SERPINA3: variants seen among roughly 807,000 people sequenced by gnomAD.
SERPINA3 encodes the protein alpha-1-antichymotrypsin.
In SERPINA3, 32 loss-of-function variants were observed where a neutral mutation model predicts 26.8. The ratio of observed to expected loss-of-function variants is 1.20; its 90% CI spans 0.90 to 1.61. SERPINA3 has a LOEUF of 1.61. Ranked by LOEUF, SERPINA3 falls within the 40% of genes most tolerant of loss-of-function variation. SERPINA3 has a pLI of 0.00. For synonymous variants in SERPINA3, 252 were observed against 206.4 expected (o/e 1.22, Z -1.89); for missense variants, 632 against 517.9 (o/e 1.22, Z -2.14).
In SERPINA3 at chr14:94,614,929, C is replaced by T. The variant is rs767516793; in HGVS notation, c.488C>T (p.Ser163Phe). The T allele has an allele frequency of 1.9e-6, 3 of 1,613,508 alleles. No individual in the cohort carries two copies. Among genetic ancestry groups the T allele is most frequent in the Non-Finnish European group, 8.5e-7 (1 of 1,179,520 alleles). Reference sequence around the variant, plus strand: ...GAGGATGCCAAGAGGCTGTATGGCTCCGAGGCCTTTGCCACTGACTTTCAG... The same window carrying T: ...GAGGATGCCAAGAGGCTGTATGGCTTCGAGGCCTTTGCCACTGACTTTCAG... ...FTEDAKRLYG[S>F]EAFATDFQDS... The change falls in exon 2 of 5, where the codon TCC becomes TTC. Residue 163 changes from serine (S) to phenylalanine (F), a missense_variant. Coordinates refer to ENST00000393078, the MANE Select transcript of SERPINA3 (RefSeq NM_001085.5).
intron 3 of SERPINA3, among the ~76,000 whole-genome samples, chr14:94,620,473 G>A (rs754594538): frequency 1.1e-4 from 17 of 152,178 alleles, no homozygotes; most frequent in Non-Finnish European, 2.1e-4. Context: ...GTAGGGCCAC[G>A]TAGACCCCTA....
At chr14:94,617,850 C>T (rs1028058049) in intron 2 of SERPINA3, 4 of 152,142 alleles carry the variant, frequency 2.6e-5, no homozygotes, top group African/African-American at 9.7e-5. Context: ...CTGTGTGGTC[C>T]ACATGAGGGC....
At chr14:94,615,766 T>C (rs948699167) in intron 2 of SERPINA3, among the ~76,000 whole-genome samples, 5 of 152,238 alleles carry the variant, frequency 3.3e-5, no homozygotes, top group African/African-American at 9.6e-5. Context: ...AGATTCTAAC[T>C]GGTCCAGTGC....
Position 94,619,314 on chromosome 14 carries a change from C to G in SERPINA3, c.763C>G (p.Arg255Gly), listed in dbSNP as rs139055497. 6.2e-7 allele frequency: 1 copy of G among 1,614,048 alleles called. No individual in the cohort carries two copies. The highest frequency in any genetic ancestry group is 8.5e-7 in the Non-Finnish European group (1 of 1,180,044). ...SLHHLTIPYF[R>G]DEELSCTVVE... ...GCATCACCTGACTATACCTTACTTC[C>G]GGGACGAGGAGCTGTCCTGCACCGT... is the stretch of plus-strand genomic sequence containing the variant. The change falls in exon 3 of 5, where the codon CGG becomes GGG. Residue 255 changes from arginine to glycine, a missense_variant. Arg to Gly is a moderately radical substitution (Grantham distance 125). Transcript: ENST00000393078.
At chr14:94,615,173 T>C in intron 2 of SERPINA3, 89 bp downstream of exon 2, 1 of 1,444,770 alleles carries the variant, frequency 6.9e-7, no homozygotes, top group Admixed American at 1.7e-5. Flanking sequence ...GGCAAACCAC[T>C]GTAGAGGAGA....
chr14:94,623,869 T>C lies in SERPINA3; in HGVS notation c.*55T>C. 1 of 1,502,152 alleles carries C rather than the reference T, an allele frequency of 6.7e-7. No individual in the cohort carries two copies. Among genetic ancestry groups the C allele is most frequent in the South Asian group, 1.1e-5 (1 of 88,732 alleles). 93.1% of individuals were successfully genotyped at this position (1,502,152 alleles called of 1,614,324 possible). On this transcript the variant is annotated 3_prime_UTR_variant, in exon 5 of 5. Transcript: ENST00000393078. ...TAAGGAACTTGGAATGCAAGCTGGA[T>C]GCCTGGGTCTCTGGGCACAGCCTGG...
chr14:94,619,424 G>A lies in SERPINA3; in HGVS notation c.873G>A (p.Leu291=), dbSNP rs1886119036. Residue 291 remains leucine, a synonymous_variant, in exon 3 of 5, where the codon CTG becomes CTA. Coordinates refer to ENST00000393078, the MANE Select transcript of SERPINA3 (RefSeq NM_001085.5). ...QDKMEEVEAM[L]LPETLKRWRD... ...AGATGGAGGAAGTGGAAGCCATGCT[G>A]CTCCCAGAGACCCTGAAGCGGTGGA... is the stretch of plus-strand genomic sequence containing the variant. 1 of 1,614,042 alleles carries A rather than the reference G, an allele frequency of 6.2e-7. No individual in the cohort carries two copies. The highest frequency in any genetic ancestry group is 8.5e-7 in the Non-Finnish European group (1 of 1,180,044).
Position 94,620,630 on chromosome 14 carries a change from C to T in SERPINA3, c.917+1162C>T, listed in dbSNP as rs183217229. Among the ~76,000 whole-genome samples, 14 of 152,266 alleles carry T rather than the reference C, an allele frequency of 9.2e-5. No homozygotes were observed. In the East Asian group the frequency reaches 1.2e-3, roughly 13 times the overall value. Reference sequence around the variant, plus strand: ...GAGCAGGTATGGAGTCAGTGACACCCGCAGGAACCAGGCACAGACATGAGG... The same window carrying T: ...GAGCAGGTATGGAGTCAGTGACACCTGCAGGAACCAGGCACAGACATGAGG... On this transcript the variant is annotated intron_variant, in intron 3 of 4. Coordinates refer to ENST00000393078, the MANE Select transcript of SERPINA3 (RefSeq NM_001085.5).
intron 4 of SERPINA3, 155 bp downstream of exon 4, chr14:94,622,646 G>T (rs117583403): frequency 9.8e-6 from 8 of 812,438 alleles, no homozygotes; most frequent in African/African-American, 6.8e-5. Flanking sequence ...GCCAAGAAGA[G>T]CTAGGTTACA....
chr14:94,622,973 G>T (rs993362560), intron 4 of SERPINA3, among the ~76,000 whole-genome samples: 84 of 152,328 alleles, frequency 5.5e-4, no homozygotes, highest in African/African-American at 2.0e-3. Context: ...AAGCAGAGGC[G>T]CCAAGGCAGG....
chr14:94,619,620 T>C, intron 3 of SERPINA3, 152 bp downstream of exon 3: 1 of 899,378 alleles, frequency 1.1e-6, no homozygotes, highest in South Asian at 1.5e-5. Context: ...GGCTTTGGGC[T>C]TGATTTTTCT....
rs74072774 is a variant in SERPINA3, at chr14:94,616,625, T to G, written c.643+1541T>G. 7.7e-3 allele frequency among the ~76,000 whole-genome samples: 1,171 copies of G among 152,214 alleles called. 16 individuals are homozygous for G. The highest frequency in any genetic ancestry group is 0.027 in the African/African-American group (1,109 of 41,528). On this transcript the variant is annotated intron_variant, in intron 2 of 4. Transcript: ENST00000393078. ...GACTCACCCAGTGATGCTAGAACTA[T>G]GTATTCAGCTGAAAGTAAGGGGGTG...
intron 2 of SERPINA3, among the ~76,000 whole-genome samples, chr14:94,616,848 T>C (rs1886023932): frequency 6.6e-6 from 1 of 151,980 alleles, no homozygotes; most frequent in Non-Finnish European, 1.5e-5. Context: ...GTTGAACAGC[T>C]GAGGATGTCA....
intron 3 of SERPINA3, among the ~76,000 whole-genome samples, chr14:94,620,277 T>C (rs1886153204): frequency 6.6e-6 from 1 of 152,150 alleles, no homozygotes; most frequent in Non-Finnish European, 1.5e-5. Context: ...GTGAGCTTGA[T>C]GTGGTCAAAG....
Position 94,614,968 on chromosome 14 carries a change from C to A in SERPINA3, c.527C>A (p.Ala176Asp). 6.2e-7 allele frequency: 1 copy of A among 1,613,604 alleles called. No individual in the cohort carries two copies. The highest frequency in any genetic ancestry group is 1.1e-5 in the South Asian group (1 of 91,080). Residue 176 changes from alanine (A) to aspartate (D), a missense_variant, in exon 2 of 5, where the codon GCT becomes GAT. Coordinates refer to ENST00000393078, the MANE Select transcript of SERPINA3 (RefSeq NM_001085.5). ...ACTGACTTTCAGGACTCAGCTGCAGCTAAGAAGCTCATCAACGACTACGTG... is the reference window on the plus strand; with the variant it reads ...ACTGACTTTCAGGACTCAGCTGCAGATAAGAAGCTCATCAACGACTACGTG... ...FATDFQDSAAAKKLINDYVKN... is the reference protein window; with the variant it reads ...FATDFQDSAADKKLINDYVKN...
chr14:94,614,075 C>G, intron 1 of SERPINA3: 1 of 277,560 alleles, frequency 3.6e-6, no homozygotes, highest in South Asian at 4.8e-5. Flanking sequence ...AGCAGGCATT[C>G]TGATTGGACT....
chr14:94,616,974 T>C (rs776343721), intron 2 of SERPINA3, among the ~76,000 whole-genome samples: 1 of 152,012 alleles, frequency 6.6e-6, no homozygotes, highest in Non-Finnish European at 1.5e-5. Context: ...GGTGATTTCA[T>C]CCACCAAACC....
chr14:94,615,433 G>C (rs143876247), intron 2 of SERPINA3: 3 of 468,740 alleles, frequency 6.4e-6, no homozygotes, highest in Non-Finnish European at 8.5e-6. Context: ...CCTCCTTGCA[G>C]GGGTGCTGCT....
rs45453292 is a variant in SERPINA3 at position 94,623,868 on chromosome 14, A to T, written c.*54A>T. The stretch of plus-strand genomic sequence containing the variant: ...GTAAGGAACTTGGAATGCAAGCTGG[A>T]TGCCTGGGTCTCTGGGCACAGCCTG... On this transcript the variant is annotated 3_prime_UTR_variant, in exon 5 of 5. Transcript: ENST00000393078. 2.5e-4 allele frequency: 385 copies of T among 1,510,528 alleles called. 5 individuals are homozygous for T. In the South Asian group the frequency reaches 4.2e-3, roughly 16 times the overall value. The allele number at this position is 1,510,528 out of a possible 1,614,324, so 93.6% of individuals were successfully genotyped here.
Sources: gnomAD v4.1 joint callset for allele counts (sites outside exome capture counted in the v4.1 genomes callset) on GRCh38, gnomAD v4.1.1 for gene constraint, MANE v1.5 for transcripts, NCBI Gene and HGNC (gene_info 2026-07-23, HGNC 2026-07-21) for gene names.